Variants in C2orf42 observed in about 807,000 individuals in gnomAD.
C2orf42 encodes the protein chromosome 2 open reading frame 42.
In C2orf42, 44 loss-of-function variants were observed where a neutral mutation model predicts 58.9. That is an observed-to-expected ratio of 0.75 (90% CI 0.59 to 0.96). The LOEUF is 0.96. Among genes scored for constraint, C2orf42 ranks in the 40% least tolerant of loss-of-function variants. The pLI is 0.00. For synonymous variants in C2orf42, 239 were observed against 265.4 expected, an observed-to-expected ratio of 0.90 and a Z score of 0.97; for missense variants, 630 against 699.2, an observed-to-expected ratio of 0.90 and a Z score of 1.12.
rs974974991 is a variant in C2orf42 at position 70,169,787 on chromosome 2, T to A, written c.1040-126A>T. The A allele has an allele frequency of 1.1e-5, 6 of 569,824 alleles. No individual in the cohort carries two copies. The Admixed American group carries it at 1.1e-4, about 11-fold the overall frequency. The allele number at this position is 569,824 out of a possible 1,614,324, so 35.3% of individuals were successfully genotyped here. On this transcript the variant is annotated intron_variant, in intron 5 of 9. Coordinates refer to ENST00000264434, the MANE Select transcript of C2orf42 (RefSeq NM_017880.3). ...TTATTTTATTTTTTTGAGACAGAGG[T>A]TCGCCCTTGTTGCCCAGGCTGGAGT...
At chr2:70,157,500 G>C (rs959296677) in intron 9 of C2orf42, among the ~76,000 whole-genome samples, 1 of 144,842 alleles carries the variant, frequency 6.9e-6, no homozygotes, top group African/African-American at 2.6e-5. Flanking sequence ...AAAATAAAAT[G>C]AAAAAGCTAT....
At chr2:70,190,372 T>C (rs1675268378) in intron 1 of C2orf42, 1 of 152,212 alleles carries the variant, frequency 6.6e-6, no homozygotes, top group Non-Finnish European at 1.5e-5. Context: ...AAAGAACAAA[T>C]GATCATTACG....
In C2orf42 at chr2:70,164,999, G is replaced by A. The variant is rs866971234; in HGVS notation, c.1353+93C>T. The A allele has an allele frequency of 6.6e-5, 38 of 571,754 alleles. No homozygotes were observed. In the Middle Eastern group the frequency reaches 5.9e-3, roughly 88 times the overall value. The allele number at this position is 571,754 out of a possible 1,614,324, so 35.4% of individuals were successfully genotyped here. Reference sequence around the variant, plus strand: ...ATGAAAAAAAGAAACTCTGGTGTCTGTAACTCAAGGAACCAGTGCAAATAT... The same window carrying A: ...ATGAAAAAAAGAAACTCTGGTGTCTATAACTCAAGGAACCAGTGCAAATAT... On this transcript the variant is annotated intron_variant, in intron 8 of 9. Transcript: ENST00000264434.
chr2:70,182,216 C>T (rs1026643428), intron 2 of C2orf42, among the ~76,000 whole-genome samples: 3 of 152,128 alleles, frequency 2.0e-5, no homozygotes, highest in Admixed American at 2.0e-4. Context: ...TCTCCTGCCT[C>T]AGCCTCCCGA....
intron 6 of C2orf42, among the ~76,000 whole-genome samples, chr2:70,167,814 T>C (rs1473537591): frequency 6.6e-6 from 1 of 151,976 alleles, no homozygotes; most frequent in East Asian, 1.9e-4. Flanking sequence ...GATGGAAACC[T>C]GGACAAAGGT....
rs546866294 is a variant in C2orf42, at chr2:70,160,570, T to C, written c.1516+55A>G. The C allele has an allele frequency of 4.8e-6, 6 of 1,261,962 alleles. No individual in the cohort carries two copies. The South Asian group carries it at 6.7e-5, about 14-fold the overall frequency. The allele number at this position is 1,261,962 out of a possible 1,614,324, so 78.2% of individuals were successfully genotyped here. ...AGATCCAAAGCTTTGGACAGTGTACTGTACTGTTCACCAGCTGACACTCAA... is the reference window on the plus strand; with the variant it reads ...AGATCCAAAGCTTTGGACAGTGTACCGTACTGTTCACCAGCTGACACTCAA... On this transcript the variant is annotated intron_variant, in intron 9 of 9. Transcript: ENST00000264434.
chr2:70,178,589 C>A (rs1019199493), intron 4 of C2orf42, among the ~76,000 whole-genome samples: 2 of 151,672 alleles, frequency 1.3e-5, no homozygotes, highest in Non-Finnish European at 2.9e-5. Context: ...GCCTGGGCAA[C>A]AGAGCGAGAC....
At chr2:70,188,369 T>C (rs1295452744) in intron 1 of C2orf42, among the ~76,000 whole-genome samples, 1 of 151,910 alleles carries the variant, frequency 6.6e-6, no homozygotes, top group Non-Finnish European at 1.5e-5. Context: ...TCTGTATTTT[T>C]AGTTGAGACG....
At position 70,181,280 on chromosome 2, in the gene C2orf42, C is replaced by G. The variant is rs748773824; in HGVS notation, c.706G>C (p.Ala236Pro). 6 of 1,613,718 alleles carry G rather than the reference C, an allele frequency of 3.7e-6. No individual in the cohort carries two copies. Among genetic ancestry groups the G allele is most frequent in the Non-Finnish European group, 5.1e-6 (6 of 1,179,828 alleles). ...CTCTGGGCTGTCTCATCCTTGGAGG[C>G]ATTTGACTTGTGCGATTTCAGAGTC... ...CQTLKSHKSNASKDETAQRCI... is the reference protein window; with the variant it reads ...CQTLKSHKSNPSKDETAQRCI... The change falls in exon 3 of 10, where the codon GCC becomes CCC. Residue 236 changes from alanine (A) to proline (P), a missense_variant. Ala to Pro is a conservative substitution (Grantham distance 27). Coordinates refer to ENST00000264434, the MANE Select transcript of C2orf42 (RefSeq NM_017880.3).
chr2:70,163,150 G>A (rs540042012), intron 8 of C2orf42, among the ~76,000 whole-genome samples: 5 of 152,154 alleles, frequency 3.3e-5, no homozygotes, highest in Non-Finnish European at 7.4e-5. Context: ...TTACAGGTGT[G>A]AGCCACCGTG....
intron 4 of C2orf42, among the ~76,000 whole-genome samples, chr2:70,179,268 C>T (rs1674392153): frequency 6.9e-6 from 1 of 144,712 alleles, no homozygotes. Context: ...CCCATAAGAA[C>T]AAAAACATAA....
chr2:70,160,591 C>A, intron 9 of C2orf42, 34 bp downstream of exon 9: 1 of 1,538,780 alleles, frequency 6.5e-7, no homozygotes, highest in Non-Finnish European at 8.9e-7. Flanking sequence ...CCAGCTGACA[C>A]TCAAAGGAAG....
Position 70,181,958 on chromosome 2 carries a change from C to G in C2orf42, c.28G>C (p.Val10Leu), listed in dbSNP as rs149484668. MEPNSLRTK[V>L]PAFLSDLGKA... ...CCCAAATCAGATAAGAAAGCTGGGA[C>G]TTTAGTCCTCAGAGAATTTGGTTCC... The change falls in exon 3 of 10, where the codon GTC becomes CTC. Residue 10 changes from valine (V) to leucine (L), a missense_variant. Val to Leu is a conservative substitution (Grantham distance 32, BLOSUM62 1). Coordinates refer to ENST00000264434, the MANE Select transcript of C2orf42 (RefSeq NM_017880.3). 1,964 of 1,611,734 alleles carry G rather than the reference C, an allele frequency of 1.2e-3. 5 individuals carry two copies. Among genetic ancestry groups the G allele is most frequent in the Non-Finnish European group, 1.5e-3 (1,799 of 1,178,690 alleles).
At chr2:70,189,446 G>A (rs1162827500) in intron 1 of C2orf42, among the ~76,000 whole-genome samples, 2 of 148,486 alleles carry the variant, frequency 1.3e-5, no homozygotes, top group Admixed American at 6.7e-5. Flanking sequence ...GGCCGGGCGC[G>A]GTGGCTCACG....
chr2:70,169,247 CCACACACACACACACACA>C (rs35414580), intron 6 of C2orf42, among the ~76,000 whole-genome samples: 1 of 141,046 alleles, frequency 7.1e-6, no homozygotes, highest in African/African-American at 2.5e-5. Context: ...ATCTCCCTCA[CCACACACACACACACACA>C]CACACACACA....
At chr2:70,189,156 C>T (rs1003899266) in intron 1 of C2orf42, among the ~76,000 whole-genome samples, 3 of 151,896 alleles carry the variant, frequency 2.0e-5, no homozygotes, top group Non-Finnish European at 4.4e-5. Flanking sequence ...ACCTGTAATC[C>T]CAGCACTTTG....
intron 9 of C2orf42, among the ~76,000 whole-genome samples, chr2:70,152,498 C>T (rs1177952541): frequency 2.0e-5 from 3 of 152,136 alleles, no homozygotes; most frequent in Non-Finnish European, 4.4e-5. Context: ...TGGAAAGAAA[C>T]CTACCCAGAC....
intron 6 of C2orf42, among the ~76,000 whole-genome samples, chr2:70,169,247 CCACACACACA>C (rs35414580): frequency 1.3e-4 from 18 of 141,118 alleles, no homozygotes; most frequent in East Asian, 4.5e-4. Context: ...ATCTCCCTCA[CCACACACACA>C]CACACACACA....
At chr2:70,175,870 C>T (rs1312154749) in intron 4 of C2orf42, 93 bp from the exon 5 acceptor site, 2 of 816,290 alleles carry the variant, frequency 2.5e-6, no homozygotes, top group Admixed American at 3.9e-5. Flanking sequence ...TATAAACAGT[C>T]TTTGCTAATT....
Sources: allele counts gnomAD v4.1 joint callset (sites outside exome capture counted in the v4.1 genomes callset), GRCh38; gene constraint gnomAD v4.1.1; transcripts MANE v1.5; gene names NCBI Gene and HGNC (gene_info 2026-07-23, HGNC 2026-07-21).